Variants in POLH observed in about 807,000 individuals in gnomAD.
POLH encodes DNA polymerase eta transcript.
POLH carries 53 observed loss-of-function variants against 73.6 expected under a neutral mutation model. The observed-to-expected ratio is 0.72, with a 90% CI of 0.58 to 0.91. The LOEUF is 0.91. Among genes scored for constraint, POLH ranks in the 40% least tolerant of loss-of-function variants. The pLI, the probability that POLH is intolerant of heterozygous loss-of-function variation, is 0.00. For synonymous variants in POLH, 292 were observed against 308.5 expected (o/e 0.95, Z 0.56); for missense variants, 768 against 865.4 (o/e 0.89, Z 1.41).
rs9333555 is a variant in POLH at position 43,614,198 on chromosome 6, A to G, written c.1783A>G (p.Met595Val). The change falls in exon 11 of 11, where the codon ATG becomes GTG. Residue 595 changes from methionine (M) to valine (V), a missense_variant. Coordinates refer to ENST00000372236, the MANE Select transcript of POLH (RefSeq NM_006502.3). ...EESSKATPAE[M>V]DLAHNSQSMH... ...ATCCTCTAAAGCAACTCCTGCAGAGATGGATTTGGCCCACAACAGCCAAAG... is the reference window on the plus strand; with the variant it reads ...ATCCTCTAAAGCAACTCCTGCAGAGGTGGATTTGGCCCACAACAGCCAAAG... The G allele has an allele frequency of 0.026, 41,318 of 1,613,394 alleles. 643 individuals are homozygous for G. Among genetic ancestry groups the G allele is most frequent in the South Asian group, 0.038 (3,427 of 91,080 alleles).
chr6:43,613,292 T>C (rs890589189), intron 10 of POLH, among the ~76,000 whole-genome samples: 12 of 152,214 alleles, frequency 7.9e-5, no homozygotes, highest in African/African-American at 2.4e-4. Context: ...TTTGTTGTCC[T>C]GAATAAAATT....
rs190036866 is a variant in POLH, at chr6:43,617,064, C to T, written c.*2507C>T. 5.3e-5 allele frequency among the ~76,000 whole-genome samples: 8 copies of T among 152,244 alleles called. No homozygotes were observed. Among genetic ancestry groups the T allele is most frequent in the African/African-American group, 1.4e-4 (6 of 41,552 alleles). ...AATTAGCCGGGCATGGTGGTGGGTG[C>T]GTGTAATCCCAGCTAGTTGGGAGGC... is the stretch of plus-strand genomic sequence containing the variant. On this transcript the variant is annotated 3_prime_UTR_variant, in exon 11 of 11. Coordinates refer to ENST00000372236, the MANE Select transcript of POLH (RefSeq NM_006502.3).
Position 43,618,669 on chromosome 6 carries a change from C to T in POLH, c.*4112C>T, listed in dbSNP as rs189826940. Among the ~76,000 whole-genome samples, 7 of 151,946 alleles carry T rather than the reference C, an allele frequency of 4.6e-5. No individual in the cohort carries two copies. In the East Asian group the frequency reaches 7.9e-4, roughly 17 times the overall value. Reference sequence around the variant, plus strand: ...TTTTATGTGACGGAGTTTCTCTCATCGCCCCGGCTGGAATGCAATGGCACG... The same window carrying T: ...TTTTATGTGACGGAGTTTCTCTCATTGCCCCGGCTGGAATGCAATGGCACG... On this transcript the variant is annotated 3_prime_UTR_variant, in exon 11 of 11. Coordinates refer to ENST00000372236, the MANE Select transcript of POLH (RefSeq NM_006502.3).
chr6:43,577,721 T>G (rs756518324), intron 1 of POLH, among the ~76,000 whole-genome samples: 2 of 152,224 alleles, frequency 1.3e-5, no homozygotes, highest in Admixed American at 6.5e-5. Flanking sequence ...CATGGATTGC[T>G]GGTGTTTCGA....
chr6:43,614,524 AT>A lies in POLH; in HGVS notation c.2111del (p.Leu704TrpfsTer8), dbSNP rs775214502. 7 of 1,613,788 alleles carry A rather than the reference AT, an allele frequency of 4.3e-6. No homozygotes were observed. Among genetic ancestry groups the A allele is most frequent in the Non-Finnish European group, 4.2e-6 (5 of 1,180,018 alleles). ...KRPRPEGMQT[L>X]ESFFKPLTH ...GCCCCAGGCCTGAGGGCATGCAAAC[AT>A]TGGAATCATTTTTTAAGCCATTAAC... On this transcript the variant is annotated frameshift_variant, in exon 11 of 11. Transcript: ENST00000372236. LOFTEE classifies it high-confidence loss of function.
Position 43,614,049 on chromosome 6 carries a change from A to G in POLH, c.1634A>G (p.Asn545Ser). The G allele has an allele frequency of 1.7e-5, 28 of 1,614,224 alleles. No homozygotes were observed. Among genetic ancestry groups the G allele is most frequent in the Non-Finnish European group, 2.3e-5 (27 of 1,180,042 alleles). Residue 545 changes from asparagine (N) to serine (S), a missense_variant, in exon 11 of 11, where the codon AAT (asparagine) becomes AGT (serine). Coordinates refer to ENST00000372236, the MANE Select transcript of POLH (RefSeq NM_006502.3). ...KSLLLKQKQLNNSSVSSPQQN... is the reference protein window; with the variant it reads ...KSLLLKQKQLSNSSVSSPQQN... ...CTGCTTCTAAAGCAGAAACAGCTTA[A>G]TAATTCTTCAGTTTCTTCCCCCCAA...
At chr6:43,581,643 T>C (rs557602653) in intron 1 of POLH, among the ~76,000 whole-genome samples, 7,574 of 121,166 alleles carry the variant, frequency 0.063, 945 homozygotes, top group African/African-American at 0.25. Context: ...GAGACAGCTC[T>C]GCTGCCCGCT....
At chr6:43,593,273 C>T (rs1329568854) in intron 4 of POLH, among the ~76,000 whole-genome samples, 2 of 152,276 alleles carry the variant, frequency 1.3e-5, no homozygotes, top group East Asian at 3.9e-4. Context: ...TCAATTCTCC[C>T]CAAATTGACG....
intron 1 of POLH, among the ~76,000 whole-genome samples, chr6:43,580,031 GT>G (rs35690367): frequency 0.25 from 35,541 of 144,220 alleles, 5,235 homozygotes; most frequent in Non-Finnish European, 0.32. Flanking sequence ...AAGGTCTCTG[GT>G]TTTCCTAGGC....
chr6:43,617,623 TA>T lies in POLH; in HGVS notation c.*3079del, dbSNP rs892929265. 8.5e-4 allele frequency among the ~76,000 whole-genome samples: 120 copies of T among 140,970 alleles called. No individual in the cohort carries two copies. The highest frequency in any genetic ancestry group is 3.8e-3 in the Middle Eastern group (1 of 262). 92.5% of individuals were successfully genotyped at this position (140,970 alleles called of 152,430 possible). On this transcript the variant is annotated 3_prime_UTR_variant, in exon 11 of 11. Coordinates refer to ENST00000372236, the MANE Select transcript of POLH (RefSeq NM_006502.3). Reference sequence around the variant, plus strand: ...GTCTGGGCAACAGAGTGACACTGTTTAAAAAAAAAAAAATTCCCAATGTGGG... The same window carrying T: ...GTCTGGGCAACAGAGTGACACTGTTTAAAAAAAAAAAATTCCCAATGTGGG...
At chr6:43,591,621 AT>A (rs371822062) in intron 4 of POLH, among the ~76,000 whole-genome samples, 16,569 of 143,364 alleles carry the variant, frequency 0.12, 951 homozygotes, top group African/African-American at 0.17. Context: ...ACCCAGCCTG[AT>A]TTTTTTTTTT....
Position 43,597,802 on chromosome 6 carries a change from A to T in POLH, c.597A>T (p.Glu199Asp), listed in dbSNP as rs1766259218. The stretch of plus-strand genomic sequence containing the variant: ...CCGTGGGAGCAGTGATTGTGGAGGA[A>T]ATGAGAGCAGCCATAGAGAGGGAGA... ...QLTVGAVIVEEMRAAIERETG... is the reference protein window; with the variant it reads ...QLTVGAVIVEDMRAAIERETG... The change falls in exon 5 of 11, where the codon GAA (glutamate) becomes GAT (aspartate). Residue 199 changes from glutamate to aspartate, a missense_variant. Physicochemically the swap from Glu to Asp is conservative, Grantham distance 45 (BLOSUM62 2). Transcript: ENST00000372236. 1 of 1,613,976 alleles carries T rather than the reference A, an allele frequency of 6.2e-7. No homozygotes were observed. The highest frequency in any genetic ancestry group is 8.5e-7 in the Non-Finnish European group (1 of 1,179,832).
intron 3 of POLH, among the ~76,000 whole-genome samples, chr6:43,585,000 A>C (rs548341187): frequency 6.6e-6 from 1 of 152,238 alleles, no homozygotes; most frequent in South Asian, 2.1e-4. Flanking sequence ...AAAAACAAAA[A>C]CAAAAAAATT....
At chr6:43,596,710 T>C (rs930701117) in intron 4 of POLH, among the ~76,000 whole-genome samples, 1 of 152,238 alleles carries the variant, frequency 6.6e-6, no homozygotes, top group African/African-American at 2.4e-5. Context: ...TTATGTTTAG[T>C]TGGAAACCAT....
intron 4 of POLH, among the ~76,000 whole-genome samples, chr6:43,592,005 T>A (rs1235882127): frequency 2.0e-5 from 3 of 152,012 alleles, no homozygotes; most frequent in Non-Finnish European, 4.4e-5. Flanking sequence ...TACATTTTTT[T>A]ATTAAAAATG....
chr6:43,578,347 A>G, intron 1 of POLH: 1 of 406,224 alleles, frequency 2.5e-6, no homozygotes, highest in Non-Finnish European at 4.8e-6. Context: ...AGACTGTGCC[A>G]TTGCACTCCA....
In POLH at chr6:43,618,777, T is replaced by C. The variant is rs1768513678; in HGVS notation, c.*4220T>C. ...TCCTGAGTAGCTGGGATTATAGGCATGCACCATCACGCCTGGCTAATTTTT... is the reference window on the plus strand; with the variant it reads ...TCCTGAGTAGCTGGGATTATAGGCACGCACCATCACGCCTGGCTAATTTTT... On this transcript the variant is annotated 3_prime_UTR_variant, in exon 11 of 11. Coordinates refer to ENST00000372236, the MANE Select transcript of POLH (RefSeq NM_006502.3). 6.6e-6 allele frequency among the ~76,000 whole-genome samples: 1 copy of C among 152,042 alleles called. No homozygotes were observed. Among genetic ancestry groups the C allele is most frequent in the Admixed American group, 6.6e-5 (1 of 15,260 alleles).
At chr6:43,580,856 T>A (rs1764041162) in intron 1 of POLH, among the ~76,000 whole-genome samples, 1 of 137,976 alleles carries the variant, frequency 7.2e-6, no homozygotes, top group East Asian at 2.2e-4. Context: ...GAGGCGCCCC[T>A]CACCTCCCAG....
intron 4 of POLH, among the ~76,000 whole-genome samples, chr6:43,587,734 A>C (rs749510579): frequency 4.6e-5 from 7 of 152,212 alleles, no homozygotes; most frequent in Non-Finnish European, 1.0e-4. Context: ...TAGTGTTATC[A>C]ATAGAAGGCA....
Sources: allele counts gnomAD v4.1 joint callset (sites outside exome capture counted in the v4.1 genomes callset), GRCh38; gene constraint gnomAD v4.1.1; transcripts MANE v1.5; gene names NCBI Gene and HGNC (gene_info 2026-07-23, HGNC 2026-07-21).